ACVR2B: variants seen among roughly 807,000 people sequenced by gnomAD.
The protein encoded by ACVR2B is activin A receptor type 2B, also known as activin receptor type-2B.
ACVR2B carries 18 observed loss-of-function variants against 65.1 expected under a neutral mutation model. That is an observed-to-expected ratio of 0.28 (90% CI 0.19 to 0.41). The LOEUF (loss-of-function observed/expected upper bound fraction) is 0.41. Among genes scored for constraint, ACVR2B ranks in the 10% least tolerant of loss-of-function variants. ACVR2B has a pLI of 1.00. For missense variants in ACVR2B, 482 were observed against 682.7 expected, an observed-to-expected ratio of 0.71 and a Z score of 3.28; for synonymous variants, 298 against 277.7, an observed-to-expected ratio of 1.07 and a Z score of -0.73.
At chr3:38,465,705 A>G (rs569324620) in intron 1 of ACVR2B, among the ~76,000 whole-genome samples, 40 of 152,228 alleles carry the variant, frequency 2.6e-4, no homozygotes, top group Non-Finnish European at 3.4e-4. Context: ...TCTAAGAGTC[A>G]TGAAATCACA....
At chr3:38,467,264 A>G (rs1709746159) in intron 1 of ACVR2B, among the ~76,000 whole-genome samples, 3 of 152,260 alleles carry the variant, frequency 2.0e-5, no homozygotes, top group East Asian at 1.9e-4. Flanking sequence ...CCTGACCAAC[A>G]TGGAGAAACC....
chr3:38,458,292 C>T (rs1037125233), intron 1 of ACVR2B, among the ~76,000 whole-genome samples: 1 of 152,112 alleles, frequency 6.6e-6, no homozygotes, highest in Non-Finnish European at 1.5e-5. Flanking sequence ...TGTCATAGAC[C>T]CCTCTGAGAA....
chr3:38,467,676 C>T (rs1055674873), intron 1 of ACVR2B, among the ~76,000 whole-genome samples: 3 of 151,172 alleles, frequency 2.0e-5, no homozygotes, highest in Admixed American at 6.6e-5. Flanking sequence ...TGTTTGAGCT[C>T]AGGAGTTTGA....
Position 38,492,657 on chromosome 3 carries a change from T to C in ACVR2B, c.*9325T>C, listed in dbSNP as rs2059818897. The C allele has an allele frequency of 6.7e-6, 1 of 149,186 alleles. No individual in the cohort carries two copies. The highest frequency in any genetic ancestry group is 2.5e-5 in the African/African-American group (1 of 40,386). The allele number at this position is 149,186 out of a possible 1,614,324, so 9.2% of individuals were successfully genotyped here. On this transcript the variant is annotated 3_prime_UTR_variant, in exon 11 of 11. Coordinates refer to ENST00000352511, the MANE Select transcript of ACVR2B (RefSeq NM_001106.4). ...GTATCATGTTTAAAAAAAATATATA[T>C]ATATATACAGAGTTAAGCTTGTTGC... is the stretch of plus-strand genomic sequence containing the variant.
At chr3:38,478,950 A>T (rs959365353) in intron 5 of ACVR2B, among the ~76,000 whole-genome samples, 178 bp from the exon 6 acceptor site, 2 of 151,502 alleles carry the variant, frequency 1.3e-5, no homozygotes, top group African/African-American at 4.9e-5. Flanking sequence ...GCCTAGCTTA[A>T]TACAGGTCTT....
intron 1 of ACVR2B, chr3:38,476,710 C>T: frequency 6.2e-6 from 1 of 161,548 alleles, no homozygotes; most frequent in Non-Finnish European, 1.4e-5. Flanking sequence ...TCCTTGAGAT[C>T]TTTATCACAA....
intron 1 of ACVR2B, chr3:38,459,700 A>G: frequency 1.0e-6 from 1 of 982,246 alleles, no homozygotes; most frequent in Non-Finnish European, 1.2e-6. Context: ...GTATGGGTGC[A>G]AGTCTCTCCC....
chr3:38,478,057 G>T (rs1156428544), intron 3 of ACVR2B, 84 bp from the exon 4 acceptor site: 26 of 1,596,562 alleles, frequency 1.6e-5, no homozygotes, highest in Non-Finnish European at 2.2e-5. Flanking sequence ...GTTGGGTGGG[G>T]TGTGGCTACA....
Position 38,483,120 on chromosome 3 carries a change from C to G in ACVR2B, c.1345-18C>G, listed in dbSNP as rs373500469. 2.7e-5 allele frequency: 44 copies of G among 1,613,750 alleles called. No individual in the cohort carries two copies. Among genetic ancestry groups the G allele is most frequent in the South Asian group, 9.9e-5 (9 of 91,086 alleles). On this transcript the variant is annotated intron_variant, in intron 10 of 10. Transcript: ENST00000352511. This position sits in a 1 kb window ranked among gnomAD's most constrained non-coding sequence, Gnocchi z 4.8. The stretch of plus-strand genomic sequence containing the variant: ...GTCCTAACAAAGGTGTCTTTCCTGT[C>G]TGCCCTATGCTGCTTAGGGCCTGGC...
At position 38,483,462 on chromosome 3, in the gene ACVR2B, TTTATTATTA is replaced by T. The variant is rs936754152; in HGVS notation, c.*138_*146del. On this transcript the variant is annotated 3_prime_UTR_variant, in exon 11 of 11. Transcript: ENST00000352511. This position sits in a 1 kb window ranked among gnomAD's most constrained non-coding sequence, Gnocchi z 4.8. Reference sequence around the variant, plus strand: ...TGCAGCTGCTATTTTACCTTGACTTTTTATTATTATTATTATAATTATTATAATTATTAT... The same window carrying T: ...TGCAGCTGCTATTTTACCTTGACTTTTTATTATAATTATTATAATTATTAT... 5.7e-6 allele frequency: 3 copies of T among 523,578 alleles called. No homozygotes were observed. Among genetic ancestry groups the T allele is most frequent in the Non-Finnish European group, 9.6e-6 (3 of 312,490 alleles). 32.4% of individuals were successfully genotyped at this position (523,578 alleles called of 1,614,324 possible).
chr3:38,478,463 T>C lies in ACVR2B; in HGVS notation c.611T>C (p.Val204Ala). 6.2e-7 allele frequency: 1 copy of C among 1,614,106 alleles called. No individual in the cohort carries two copies. Among genetic ancestry groups the C allele is most frequent in the Non-Finnish European group, 8.5e-7 (1 of 1,180,002 alleles). Residue 204 changes from valine (V) to alanine (A), a missense_variant, in exon 5 of 11, where the codon GTC becomes GCC. Val to Ala is a moderately conservative substitution (Grantham distance 64). This residue lies in a region of ACVR2B where 223 missense variants were observed against 386.3 expected (regional missense o/e 0.58). Transcript: ENST00000352511. Reference protein sequence around the residue: ...EIKARGRFGCVWKAQLMNDFV... With the variant: ...EIKARGRFGCAWKAQLMNDFV... Reference sequence around the variant, plus strand: ...AAGGCTCGGGGGCGCTTTGGCTGTGTCTGGAAGGCCCAGCTCATGAATGAC... The same window carrying C: ...AAGGCTCGGGGGCGCTTTGGCTGTGCCTGGAAGGCCCAGCTCATGAATGAC...
At chr3:38,455,496 C>T (rs1709533020) in intron 1 of ACVR2B, among the ~76,000 whole-genome samples, 1 of 152,126 alleles carries the variant, frequency 6.6e-6, no homozygotes, top group African/African-American at 2.4e-5. Flanking sequence ...GGGGCGGGGC[C>T]GGAGTCCCCA....
intron 1 of ACVR2B, among the ~76,000 whole-genome samples, chr3:38,458,178 T>A (rs1321262767): frequency 1.3e-5 from 2 of 152,112 alleles, no homozygotes; most frequent in African/African-American, 4.8e-5. Context: ...TTTCTGGGCA[T>A]CAAGAATCTC....
chr3:38,483,107 G>A lies in ACVR2B; in HGVS notation c.1345-31G>A. 1.2e-6 allele frequency: 2 copies of A among 1,613,358 alleles called. No individual in the cohort carries two copies. Among genetic ancestry groups the A allele is most frequent in the East Asian group, 4.5e-5 (2 of 44,878 alleles). ...TCCTCACTGAAGGGTCCTAACAAAG[G>A]TGTCTTTCCTGTCTGCCCTATGCTG... On this transcript the variant is annotated intron_variant, in intron 10 of 10. Transcript: ENST00000352511. The surrounding 1 kb of genome is among the most constrained non-coding windows in gnomAD (Gnocchi z 4.8).
At position 38,485,128 on chromosome 3, in the gene ACVR2B, G is replaced by C. The variant is rs1426267508; in HGVS notation, c.*1796G>C. The C allele has an allele frequency of 6.6e-6, 1 of 152,190 alleles. No individual in the cohort carries two copies. Among genetic ancestry groups the C allele is most frequent in the East Asian group, 1.9e-4 (1 of 5,192 alleles). 9.4% of individuals were successfully genotyped at this position (152,190 alleles called of 1,614,324 possible). A position where few individuals can be genotyped will look rare whatever the true frequency, so the allele number is the denominator to read the frequency against. On this transcript the variant is annotated 3_prime_UTR_variant, in exon 11 of 11. Transcript: ENST00000352511. ...GAGGGTAGGCAAGGCGGGGGCCGTG[G>C]GGAGAGGTTGACCTGGGTGAGAACT...
chr3:38,471,092 C>T (rs1297077619), intron 1 of ACVR2B, among the ~76,000 whole-genome samples: 1 of 152,050 alleles, frequency 6.6e-6, no homozygotes, highest in Non-Finnish European at 1.5e-5. Context: ...CACGAAATGT[C>T]ATATAGCTAT....
chr3:38,460,004 CT>C (rs1306404781), intron 1 of ACVR2B, among the ~76,000 whole-genome samples: 2 of 152,192 alleles, frequency 1.3e-5, no homozygotes, highest in African/African-American at 2.4e-5. Context: ...GTTTGCTGCA[CT>C]GGGAAGTGAT....
intron 1 of ACVR2B, among the ~76,000 whole-genome samples, chr3:38,471,795 C>T (rs1020447727): frequency 1.3e-5 from 2 of 152,116 alleles, no homozygotes; most frequent in Non-Finnish European, 2.9e-5. Flanking sequence ...TGAGGACCTG[C>T]ACAGGTTTAT....
At position 38,479,186 on chromosome 3, in the gene ACVR2B, A is replaced by G. The variant is rs1709973091; in HGVS notation, c.725A>G (p.Glu242Gly). ...TTCAGCACACCTGGCATGAAGCACG[A>G]GAACCTGCTACAGTTCATTGCTGCC... ...EIFSTPGMKH[E>G]NLLQFIAAEK... The change falls in exon 6 of 11, where the codon GAG (glutamate) becomes GGG (glycine). Residue 242 changes from glutamate to glycine, a missense_variant. By Grantham distance (98) the Glu-to-Gly change is moderately conservative (BLOSUM62 -2). This residue lies in a region of ACVR2B where 223 missense variants were observed against 386.3 expected (regional missense o/e 0.58). Transcript: ENST00000352511. 1 of 1,614,088 alleles carries G rather than the reference A, an allele frequency of 6.2e-7. No individual in the cohort carries two copies.
Sources: allele counts gnomAD v4.1 joint callset (sites outside exome capture counted in the v4.1 genomes callset), GRCh38; gene constraint gnomAD v4.1.1; regional missense constraint gnomAD v4.1.1; non-coding constraint Gnocchi (gnomAD v3.1); transcripts MANE v1.5; gene names NCBI Gene and HGNC (gene_info 2026-07-23, HGNC 2026-07-21).